Variants in RASGRF1 observed in about 807,000 individuals in gnomAD.
RASGRF1 encodes the protein Ras protein specific guanine nucleotide releasing factor 1.
A neutral mutation model predicts 138.7 loss-of-function variants in RASGRF1; 40 were observed. The ratio of observed to expected loss-of-function variants is 0.29; its 90% CI spans 0.22 to 0.38. The LOEUF (loss-of-function observed/expected upper bound fraction) is 0.38. Ranked by LOEUF, RASGRF1 falls within the 10% of genes least tolerant of loss-of-function variation. RASGRF1 has a pLI of 1.00. For missense variants in RASGRF1, 1,108 were observed against 1,650.4 expected (o/e 0.67, Z 5.69); for synonymous variants, 614 against 663.2 (o/e 0.93, Z 1.14).
chr15:79,059,649 G>A (rs1298662633), intron 2 of RASGRF1, among the ~76,000 whole-genome samples: 1 of 152,114 alleles, frequency 6.6e-6, no homozygotes, highest in Non-Finnish European at 1.5e-5. Context: ...CCCCTTTAGT[G>A]GTTTTGTCTT....
intron 1 of RASGRF1, among the ~76,000 whole-genome samples, chr15:79,078,151 G>GTGCA (rs1432525026): frequency 1.4e-5 from 2 of 142,938 alleles, no homozygotes; most frequent in Non-Finnish European, 3.1e-5. Flanking sequence ...GTGTGTGTGT[G>GTGCA]TGCATGCATG....
chr15:78,977,138 A>C (rs2055889046), intron 24 of RASGRF1, among the ~76,000 whole-genome samples: 1 of 152,160 alleles, frequency 6.6e-6, no homozygotes, highest in African/African-American at 2.4e-5. Flanking sequence ...GCTCTACACC[A>C]AACTCCAGGA....
intron 5 of RASGRF1, among the ~76,000 whole-genome samples, chr15:79,035,534 C>T (rs74027010): frequency 0.023 from 3,552 of 152,330 alleles, 122 homozygotes; most frequent in African/African-American, 0.081. Context: ...GGCCAGTGGC[C>T]TCTGTCTCCT....
chr15:79,066,139 CT>C (rs1396414093), intron 1 of RASGRF1, among the ~76,000 whole-genome samples: 1 of 152,094 alleles, frequency 6.6e-6, no homozygotes. Flanking sequence ...CTACCTAGCA[CT>C]TTCCCCATCT....
chr15:79,025,690 A>G (rs943572214), intron 9 of RASGRF1, among the ~76,000 whole-genome samples: 2 of 152,168 alleles, frequency 1.3e-5, no homozygotes, highest in Non-Finnish European at 2.9e-5. Flanking sequence ...TGCAGGGCCC[A>G]CTGACATCCC....
intron 23 of RASGRF1, among the ~76,000 whole-genome samples, chr15:78,983,283 A>T (rs2056076274): frequency 6.6e-6 from 1 of 152,162 alleles, no homozygotes; most frequent in South Asian, 2.1e-4. Context: ...GAGGGTGGAG[A>T]TCTCATGTGG....
At chr15:79,078,369 G>C (rs1232438842) in intron 1 of RASGRF1, among the ~76,000 whole-genome samples, 3 of 152,146 alleles carry the variant, frequency 2.0e-5, no homozygotes, top group Non-Finnish European at 4.4e-5. Context: ...CTGCAATGCA[G>C]TGCATGCTCA....
chr15:79,004,417 C>G (rs558010688), intron 14 of RASGRF1, among the ~76,000 whole-genome samples: 4 of 152,166 alleles, frequency 2.6e-5, no homozygotes, highest in Non-Finnish European at 5.9e-5. Context: ...TCCGCCCCCC[C>G]ACCCCCTCAG....
At chr15:79,004,300 A>G in intron 14 of RASGRF1, 125 bp from the exon 15 acceptor site, 1 of 1,262,182 alleles carries the variant, frequency 7.9e-7, no homozygotes, top group Non-Finnish European at 1.1e-6. Context: ...GGATCCCTGA[A>G]ACCCATACTT....
chr15:79,021,124 A>C lies in RASGRF1; in HGVS notation c.1543-1020T>G, dbSNP rs141061639. On this transcript the variant is annotated intron_variant, in intron 10 of 26. Transcript: ENST00000558480. ...CACTGCAGCCCCAGCTGACATCTTGACTGCAAACCCCTGAAATGCCCTGAG... is the reference window on the plus strand; with the variant it reads ...CACTGCAGCCCCAGCTGACATCTTGCCTGCAAACCCCTGAAATGCCCTGAG... 4.9e-3 allele frequency among the ~76,000 whole-genome samples: 744 copies of C among 152,320 alleles called. 5 individuals carry two copies. Among genetic ancestry groups the C allele is most frequent in the African/African-American group, 0.016 (653 of 41,572 alleles).
intron 1 of RASGRF1, among the ~76,000 whole-genome samples, chr15:79,086,082 G>A (rs2057975527): frequency 6.6e-6 from 1 of 152,084 alleles, no homozygotes; most frequent in African/African-American, 2.4e-5. Context: ...TTGATCCTGG[G>A]GCCCCACACC....
intron 1 of RASGRF1, among the ~76,000 whole-genome samples, chr15:79,070,541 T>C (rs538857514): frequency 6.6e-6 from 1 of 152,286 alleles, no homozygotes; most frequent in East Asian, 1.9e-4. Flanking sequence ...TAGGTGGCAT[T>C]GTGTTATCTG....
intron 24 of RASGRF1, 101 bp downstream of exon 24, chr15:78,980,519 A>G: frequency 2.2e-6 from 2 of 905,326 alleles, no homozygotes; most frequent in South Asian, 1.8e-5. Context: ...GAACAGACAG[A>G]CAGAAAGACC....
intron 13 of RASGRF1, among the ~76,000 whole-genome samples, chr15:79,007,545 G>GTTTTTTT (rs5813951): frequency 1.8e-5 from 2 of 108,982 alleles, no homozygotes; most frequent in Non-Finnish European, 1.8e-5. Context: ...GCCGTATCTA[G>GTTTTTTT]TTTTTTTTTT....
chr15:78,969,230 C>T (rs527912422), intron 26 of RASGRF1, among the ~76,000 whole-genome samples: 7 of 152,216 alleles, frequency 4.6e-5, no homozygotes, highest in Non-Finnish European at 1.0e-4. Flanking sequence ...ACCAGTTTAA[C>T]ATTTACTAGC....
intron 18 of RASGRF1, 116 bp from the exon 19 acceptor site, chr15:78,998,324 C>T: frequency 2.3e-6 from 2 of 859,656 alleles, no homozygotes; most frequent in Non-Finnish European, 1.9e-6. Context: ...GGCAGGCTGA[C>T]CTGCCTCATT....
intron 1 of RASGRF1, among the ~76,000 whole-genome samples, chr15:79,081,262 A>G (rs2057910260): frequency 1.3e-5 from 2 of 152,240 alleles, no homozygotes; most frequent in South Asian, 4.1e-4. Context: ...GCCCACCACT[A>G]AAGCACAGGC....
chr15:79,030,477 G>A (rs1257726689), intron 8 of RASGRF1, among the ~76,000 whole-genome samples: 2 of 152,204 alleles, frequency 1.3e-5, no homozygotes, highest in Admixed American at 6.5e-5. Context: ...TCTGCAAGCT[G>A]ATGATTGCCG....
At chr15:79,015,820 G>C (rs2056870882) in intron 12 of RASGRF1, among the ~76,000 whole-genome samples, 1 of 152,214 alleles carries the variant, frequency 6.6e-6, no homozygotes, top group Admixed American at 6.5e-5. Flanking sequence ...TGGGAGGCCA[G>C]CCCAGCAGGG....
Sources: gnomAD v4.1 joint callset for allele counts (sites outside exome capture counted in the v4.1 genomes callset) on GRCh38, gnomAD v4.1.1 for gene constraint, MANE v1.5 for transcripts, NCBI Gene and HGNC (gene_info 2026-07-23, HGNC 2026-07-21) for gene names.